The following ZNF423 variants were observed in gnomAD, a reference collection of about 807,000 sequenced individuals.
The protein encoded by ZNF423 is zinc finger protein 423.
Under a neutral mutation model 95.8 loss-of-function variants are expected in ZNF423, and 12 were observed. The ratio of observed to expected loss-of-function variants is 0.13; its 90% CI spans 0.08 to 0.20. ZNF423 has a LOEUF of 0.20. Among genes scored for constraint, ZNF423 ranks in the 10% least tolerant of loss-of-function variants. The pLI is 1.00. For synonymous variants in ZNF423, 749 were observed against 711.9 expected (o/e 1.05, Z -0.83); for missense variants, 1,316 against 1,737.1 (o/e 0.76, Z 4.31).
At chr16:49,529,421 A>G (rs754320635) in intron 5 of ZNF423, among the ~76,000 whole-genome samples, 1 of 152,184 alleles carries the variant, frequency 6.6e-6, no homozygotes, top group Non-Finnish European at 1.5e-5. Flanking sequence ...GCTCAGGAAT[A>G]AGTGTTAATT....
chr16:49,684,806 G>A (rs997146203), intron 3 of ZNF423, among the ~76,000 whole-genome samples: 3 of 152,306 alleles, frequency 2.0e-5, no homozygotes, highest in African/African-American at 4.8e-5. Context: ...CCAGCTGCAA[G>A]AAGGAGCTGC....
intron 5 of ZNF423, among the ~76,000 whole-genome samples, chr16:49,554,712 G>T (rs1969762786): frequency 6.6e-6 from 1 of 151,652 alleles, no homozygotes. Context: ...TTTCTGATAT[G>T]GAATCATTAT....
rs2035348659 is a variant in ZNF423, at chr16:49,855,231, G to T, written c.40+504C>A. On this transcript the variant is annotated intron_variant, in intron 1 of 7. Transcript: ENST00000563137. The surrounding 1 kb of genome is among the most constrained non-coding windows in gnomAD (Gnocchi z 4.7). ...GCTCCCCGCGTCCTCGGGCGACCAGGCAGGGGCCAGAGAGAGCCAGCGAGG... is the reference window on the plus strand; with the variant it reads ...GCTCCCCGCGTCCTCGGGCGACCAGTCAGGGGCCAGAGAGAGCCAGCGAGG... Among the ~76,000 whole-genome samples, 1 of 142,522 alleles carries T rather than the reference G, an allele frequency of 7.0e-6. No homozygotes were observed. The highest frequency in any genetic ancestry group is 1.6e-5 in the Non-Finnish European group (1 of 63,402). The allele number at this position is 142,522 out of a possible 152,430, so 93.5% of individuals were successfully genotyped here.
chr16:49,648,875 G>C (rs889449880), intron 3 of ZNF423, among the ~76,000 whole-genome samples: 2 of 152,062 alleles, frequency 1.3e-5, no homozygotes, highest in East Asian at 1.9e-4. Context: ...AGGAAATTTG[G>C]GGGTATTGCT....
intron 4 of ZNF423, among the ~76,000 whole-genome samples, chr16:49,632,940 C>T (rs990482530): frequency 6.6e-6 from 1 of 152,178 alleles, no homozygotes; most frequent in African/African-American, 2.4e-5. Flanking sequence ...TGAGGGGCAC[C>T]CAGGAGAAGC....
At chr16:49,777,388 G>A (rs757762711) in intron 2 of ZNF423, among the ~76,000 whole-genome samples, 5 of 152,188 alleles carry the variant, frequency 3.3e-5, no homozygotes, top group Non-Finnish European at 5.9e-5. Flanking sequence ...GCATATATAT[G>A]TATGAATGTG....
Position 49,737,175 on chromosome 16 carries a change from GA to G in ZNF423, c.101-6205del, listed in dbSNP as rs111953932. 1.3e-3 allele frequency among the ~76,000 whole-genome samples: 190 copies of G among 141,664 alleles called. 1 individual carries two copies. Among genetic ancestry groups the G allele is most frequent in the African/African-American group, 3.8e-3 (147 of 38,664 alleles). The allele number at this position is 141,664 out of a possible 152,430, so 92.9% of individuals were successfully genotyped here. A position where few individuals can be genotyped will look rare whatever the true frequency, so the allele number is the denominator to read the frequency against. On this transcript the variant is annotated intron_variant, in intron 2 of 7. Transcript: ENST00000563137. ...TGGACTCACCCACTTTGTCAATGAG[GA>G]AAAAAAAAAAACAAGGCTCAGGAGC...
chr16:49,650,822 C>A (rs923025465), intron 3 of ZNF423, among the ~76,000 whole-genome samples: 5 of 152,326 alleles, frequency 3.3e-5, no homozygotes, highest in Middle Eastern at 3.4e-3. Flanking sequence ...CAACCCAGGG[C>A]TCTTAGCCAG....
chr16:49,794,236 GTT>G (rs57419300), intron 1 of ZNF423, among the ~76,000 whole-genome samples: 208 of 140,116 alleles, frequency 1.5e-3, no homozygotes, highest in Middle Eastern at 3.7e-3. Flanking sequence ...TTTTGTTTTT[GTT>G]TTTTTTTTTT....
intron 3 of ZNF423, among the ~76,000 whole-genome samples, chr16:49,665,971 C>G (rs2030521513): frequency 6.6e-6 from 1 of 152,222 alleles, no homozygotes; most frequent in African/African-American, 2.4e-5. Flanking sequence ...TCCTAATGGC[C>G]TGGCTGTCCC....
chr16:49,673,237 G>T (rs1266829113), intron 3 of ZNF423, among the ~76,000 whole-genome samples: 5 of 152,206 alleles, frequency 3.3e-5, no homozygotes, highest in African/African-American at 7.2e-5. Context: ...ATGCCTTTGG[G>T]AGGAGTGGTG....
intron 1 of ZNF423, among the ~76,000 whole-genome samples, chr16:49,800,434 C>G (rs2034564406): frequency 6.6e-6 from 1 of 152,120 alleles, no homozygotes; most frequent in African/African-American, 2.4e-5. Flanking sequence ...CTATCTTGCA[C>G]CCACCATAGA....
Position 49,638,555 on chromosome 16 carries a change from G to A in ZNF423, c.621C>T (p.Cys207=), listed in dbSNP as rs1379569101. The part of the protein sequence containing the change: ...TGDKKYHCHE[C]EAAFSRSDHL... ...GGTCGCTGCGGGAGAAGGCTGCCTC[G>A]CACTCGTGGCAGTGATACTTCTTGT... The change falls in exon 4 of 8, where the codon TGC becomes TGT. Residue 207 remains cysteine (C), a synonymous_variant. Coordinates refer to ENST00000563137, the MANE Select transcript of ZNF423 (RefSeq NM_001379286.1). The surrounding 1 kb of genome is among the most constrained non-coding windows in gnomAD (Gnocchi z 5.6). 10 of 1,613,768 alleles carry A rather than the reference G, an allele frequency of 6.2e-6. No homozygotes were observed. The East Asian group carries it at 6.7e-5, about 11-fold the overall frequency.
In ZNF423 at chr16:49,789,479, G is replaced by C. The variant is rs148101280; in HGVS notation, c.100+8C>G. ...CTGCAACTCTTCCACCAGCCCCCGG[G>C]CATTTACCTGCTGCTGTCACGGAGG... is the stretch of plus-strand genomic sequence containing the variant. On this transcript the variant is annotated splice_region_variant and intron_variant, in intron 2 of 7. Coordinates refer to ENST00000563137, the MANE Select transcript of ZNF423 (RefSeq NM_001379286.1). 6.2e-7 allele frequency: 1 copy of C among 1,611,606 alleles called. No individual in the cohort carries two copies. Among genetic ancestry groups the C allele is most frequent in the African/African-American group, 1.3e-5 (1 of 74,738 alleles).
At chr16:49,834,832 C>T (rs1405357926) in intron 1 of ZNF423, among the ~76,000 whole-genome samples, 1 of 151,996 alleles carries the variant, frequency 6.6e-6, no homozygotes, top group Non-Finnish European at 1.5e-5. Flanking sequence ...GCTGTGCGCT[C>T]CCCTCCCCCA....
At chr16:49,507,306 T>G (rs1448402581) in intron 7 of ZNF423, among the ~76,000 whole-genome samples, 1 of 152,038 alleles carries the variant, frequency 6.6e-6, no homozygotes, top group Non-Finnish European at 1.5e-5. Flanking sequence ...ATCCCACATT[T>G]TTTTTTTGGT....
intron 5 of ZNF423, among the ~76,000 whole-genome samples, chr16:49,529,189 T>A (rs1244415462): frequency 6.6e-6 from 1 of 151,184 alleles, no homozygotes; most frequent in Non-Finnish European, 1.5e-5. Context: ...ACAACTCAAG[T>A]GAATTATGCA....
chr16:49,819,790 A>G (rs2058639235), intron 1 of ZNF423, among the ~76,000 whole-genome samples: 2 of 152,178 alleles, frequency 1.3e-5, no homozygotes, highest in Admixed American at 6.5e-5. Flanking sequence ...TAGACGTGCA[A>G]TGGTTCAACC....
chr16:49,849,787 A>G (rs1459871158), intron 1 of ZNF423, among the ~76,000 whole-genome samples: 1 of 152,246 alleles, frequency 6.6e-6, no homozygotes, highest in Non-Finnish European at 1.5e-5. Context: ...TCCAAAGTCA[A>G]CTTGGTAACT....
Sources: allele counts gnomAD v4.1 joint callset (sites outside exome capture counted in the v4.1 genomes callset), GRCh38; gene constraint gnomAD v4.1.1; non-coding constraint Gnocchi (gnomAD v3.1); transcripts MANE v1.5; gene names NCBI Gene and HGNC (gene_info 2026-07-23, HGNC 2026-07-21).